The following TEC variants were observed in gnomAD, a reference collection of about 807,000 sequenced individuals.
The protein encoded by TEC is tyrosine-protein kinase Tec.
In TEC, 72 loss-of-function variants were observed where a neutral mutation model predicts 93.0. That is an observed-to-expected ratio of 0.77 (90% confidence interval 0.64 to 0.94). The LOEUF (loss-of-function observed/expected upper bound fraction) is 0.94. Among genes scored for constraint, TEC ranks in the 40% least tolerant of loss-of-function variants. The pLI is 0.00. For synonymous variants in TEC, 249 were observed against 247.7 expected, an observed-to-expected ratio of 1.01 and a Z score of -0.05; for missense variants, 630 against 757.9, an observed-to-expected ratio of 0.83 and a Z score of 1.98.
Position 48,141,359 on chromosome 4 carries a change from C to T in TEC, c.1531G>A (p.Ala511Thr). The stretch of plus-strand genomic sequence containing the variant: ...ACCACGTATACTTGGACATACCTGG[C>T]CATTCCAAAATCAGATACTTTTACA... ...GVVKVSDFGM[A>T]RYVLDDQYTS... Residue 511 changes from alanine to threonine, a missense_variant, in exon 15 of 18, where the codon GCC (alanine) becomes ACC (threonine). Physicochemically the swap from Ala to Thr is moderately conservative, Grantham distance 58. Transcript: ENST00000381501. 6.2e-7 allele frequency: 1 copy of T among 1,613,714 alleles called. No individual in the cohort carries two copies. The highest frequency in any genetic ancestry group is 8.5e-7 in the Non-Finnish European group (1 of 1,179,838).
At chr4:48,187,615 A>G (rs1332337419) in intron 2 of TEC, among the ~76,000 whole-genome samples, 1 of 152,052 alleles carries the variant, frequency 6.6e-6, no homozygotes, top group Non-Finnish European at 1.5e-5. Flanking sequence ...AGACTTTTCC[A>G]TACCTCCTGG....
intron 1 of TEC, among the ~76,000 whole-genome samples, chr4:48,259,715 CAAAA>C (rs5858111): frequency 8.5e-6 from 1 of 117,862 alleles, no homozygotes; most frequent in African/African-American, 3.5e-5. Context: ...GACTTTGTCT[CAAAA>C]AAAAAAAAAA....
chr4:48,205,395 T>G (rs1012235562), intron 2 of TEC, among the ~76,000 whole-genome samples: 8 of 152,152 alleles, frequency 5.3e-5, no homozygotes, highest in Non-Finnish European at 1.0e-4. Flanking sequence ...GGGCCGGAGA[T>G]CTGCCATAGT....
chr4:48,208,013 T>C (rs1254525627), intron 2 of TEC, among the ~76,000 whole-genome samples: 1 of 152,078 alleles, frequency 6.6e-6, no homozygotes. Flanking sequence ...CACCTACCGA[T>C]GAGGACCCCA....
At chr4:48,236,333 G>A (rs1282468398) in intron 1 of TEC, among the ~76,000 whole-genome samples, 1 of 151,690 alleles carries the variant, frequency 6.6e-6, no homozygotes, top group African/African-American at 2.4e-5. Context: ...CCAGACTGGA[G>A]TGCAGTGGCG....
At chr4:48,184,148 G>C (rs1721707513) in intron 2 of TEC, among the ~76,000 whole-genome samples, 1 of 152,142 alleles carries the variant, frequency 6.6e-6, no homozygotes, top group South Asian at 2.1e-4. Flanking sequence ...AATCCTCACA[G>C]CATTATAACA....
intron 1 of TEC, among the ~76,000 whole-genome samples, chr4:48,261,657 A>G (rs1724499408): frequency 6.6e-6 from 1 of 152,236 alleles, no homozygotes; most frequent in South Asian, 2.1e-4. Context: ...TGTCACCAAA[A>G]TTAAAAATAA....
intron 14 of TEC, among the ~76,000 whole-genome samples, chr4:48,142,927 C>T (rs1262019481): frequency 6.6e-6 from 1 of 152,142 alleles, no homozygotes; most frequent in Non-Finnish European, 1.5e-5. Context: ...CGTGATCCGC[C>T]CGCCTCGGCC....
At chr4:48,187,206 CT>C (rs1424030782) in intron 2 of TEC, among the ~76,000 whole-genome samples, 1 of 152,140 alleles carries the variant, frequency 6.6e-6, no homozygotes, top group Non-Finnish European at 1.5e-5. Flanking sequence ...GCAAGATGTG[CT>C]TTGTTAAACA....
intron 2 of TEC, among the ~76,000 whole-genome samples, chr4:48,212,025 G>A (rs191836781): frequency 2.7e-4 from 40 of 149,272 alleles, no homozygotes; most frequent in Non-Finnish European, 4.6e-4. Context: ...CTTGAACCCC[G>A]GAGGCGGAGG....
chr4:48,156,580 T>G, intron 9 of TEC, 100 bp downstream of exon 9: 2 of 1,093,280 alleles, frequency 1.8e-6, no homozygotes, highest in Non-Finnish European at 2.6e-6. Context: ...ACTTGCTCAC[T>G]GCTGAACACA....
intron 2 of TEC, among the ~76,000 whole-genome samples, chr4:48,190,635 T>C (rs751044400): frequency 2.0e-5 from 3 of 152,194 alleles, no homozygotes; most frequent in Non-Finnish European, 4.4e-5. Flanking sequence ...AAGATAATCA[T>C]AGAGCATTAT....
At chr4:48,239,345 T>C (rs1468543939) in intron 1 of TEC, among the ~76,000 whole-genome samples, 4 of 152,226 alleles carry the variant, frequency 2.6e-5, no homozygotes, top group Admixed American at 2.0e-4. Flanking sequence ...CCAGGTTTTT[T>C]CTCTTTTACT....
chr4:48,215,379 CA>C (rs1723043454), intron 2 of TEC, among the ~76,000 whole-genome samples: 1 of 151,474 alleles, frequency 6.6e-6, no homozygotes, highest in Admixed American at 6.6e-5. Context: ...TGGTGGCACG[CA>C]TCTATAATCC....
In TEC at chr4:48,233,102, GGAATAC is replaced by G. The variant is rs1271156742; in HGVS notation, c.-45-4449_-45-4444del. Among the ~76,000 whole-genome samples the G allele has an allele frequency of 2.0e-5, 3 of 152,242 alleles. No individual in the cohort carries two copies. The East Asian group carries it at 5.8e-4, about 29-fold the overall frequency. On this transcript the variant is annotated intron_variant, in intron 1 of 17. Coordinates refer to ENST00000381501, the MANE Select transcript of TEC (RefSeq NM_003215.3). ...GAGAGACTAAGTGCAGCTGCAGCTG[GGAATAC>G]CACACTGAAAAGGAGGAGCTTAAGT...
intron 1 of TEC, among the ~76,000 whole-genome samples, chr4:48,254,490 T>C (rs991181445): frequency 7.9e-5 from 12 of 152,028 alleles, no homozygotes; most frequent in African/African-American, 2.9e-4. Flanking sequence ...CTGGAAAGAT[T>C]TGGGAAGGCA....
intron 2 of TEC, among the ~76,000 whole-genome samples, chr4:48,214,788 A>C (rs1444186509): frequency 6.6e-6 from 1 of 151,972 alleles, no homozygotes; most frequent in African/African-American, 2.4e-5. Context: ...CAGGAGGTGG[A>C]GGTTGCAGTG....
At chr4:48,207,178 T>C (rs1162645731) in intron 2 of TEC, among the ~76,000 whole-genome samples, 1 of 152,042 alleles carries the variant, frequency 6.6e-6, no homozygotes, top group African/African-American at 2.4e-5. Context: ...AAAATAGAGT[T>C]CAACAGGAAT....
intron 1 of TEC, among the ~76,000 whole-genome samples, chr4:48,236,358 G>T (rs932087045): frequency 2.0e-5 from 3 of 151,524 alleles, no homozygotes; most frequent in Admixed American, 2.0e-4. Context: ...CTCGGCTCAT[G>T]GCAAGCTCCA....
Sources: gnomAD v4.1 joint callset for allele counts (sites outside exome capture counted in the v4.1 genomes callset) on GRCh38, gnomAD v4.1.1 for gene constraint, MANE v1.5 for transcripts, NCBI Gene and HGNC (gene_info 2026-07-23, HGNC 2026-07-21) for gene names.